SBF2: variants seen among roughly 807,000 people sequenced by gnomAD.
The protein encoded by SBF2 is SET binding factor 2.
Under a neutral mutation model 225.2 loss-of-function variants are expected in SBF2, and 112 were observed. The ratio of observed to expected loss-of-function variants is 0.50; its 90% CI spans 0.43 to 0.58. The LOEUF (loss-of-function observed/expected upper bound fraction) is 0.58. Ranked by LOEUF, SBF2 falls within the 20% of genes least tolerant of loss-of-function variation. The pLI, the probability that SBF2 is intolerant of heterozygous loss-of-function variation, is 0.00. For synonymous variants in SBF2, 763 were observed against 773.3 expected, an observed-to-expected ratio of 0.99 and a Z score of 0.22; for missense variants, 1,996 against 2,206.2, an observed-to-expected ratio of 0.90 and a Z score of 1.91.
At chr11:9,797,557 G>A (rs528471722) in intron 32 of SBF2, among the ~76,000 whole-genome samples, 4 of 152,272 alleles carry the variant, frequency 2.6e-5, no homozygotes, top group South Asian at 2.1e-4. Flanking sequence ...GCTAGGTAGC[G>A]TGCCATACTC....
intron 13 of SBF2, among the ~76,000 whole-genome samples, chr11:9,979,989 T>G (rs10160515): frequency 0.38 from 57,285 of 150,848 alleles, 11,594 homozygotes; most frequent in Middle Eastern, 0.51. Context: ...CATGTAATTT[T>G]TTTTTTTTTC....
At chr11:10,108,065 A>C (rs1952633802) in intron 2 of SBF2, among the ~76,000 whole-genome samples, 1 of 152,232 alleles carries the variant, frequency 6.6e-6, no homozygotes, top group South Asian at 2.1e-4. Flanking sequence ...ATTAAAAGTT[A>C]TGAAAGTATA....
intron 2 of SBF2, among the ~76,000 whole-genome samples, chr11:10,162,259 G>C (rs781253549): frequency 6.7e-6 from 1 of 148,930 alleles, no homozygotes; most frequent in Non-Finnish European, 1.5e-5. Flanking sequence ...TGAGCATTCT[G>C]TTACAGGCAT....
chr11:10,033,094 AGGTT>A (rs747932300), intron 3 of SBF2, among the ~76,000 whole-genome samples: 2 of 152,208 alleles, frequency 1.3e-5, no homozygotes, highest in Non-Finnish European at 2.9e-5. Flanking sequence ...AACAAAAATT[AGGTT>A]GGTTGGTTTC....
intron 3 of SBF2, among the ~76,000 whole-genome samples, chr11:10,033,852 A>T (rs1383166558): frequency 6.6e-6 from 1 of 152,152 alleles, no homozygotes; most frequent in Non-Finnish European, 1.5e-5. Flanking sequence ...ATAAAATGAC[A>T]CTAGTTTTAT....
At chr11:10,264,410 G>C (rs1961733376) in intron 1 of SBF2, among the ~76,000 whole-genome samples, 1 of 151,890 alleles carries the variant, frequency 6.6e-6, no homozygotes, top group South Asian at 2.1e-4. Context: ...AAAGAAAATG[G>C]GAGCAGAAGG....
intron 2 of SBF2, among the ~76,000 whole-genome samples, chr11:10,080,907 A>G (rs186442986): frequency 2.6e-5 from 4 of 152,180 alleles, no homozygotes; most frequent in Non-Finnish European, 4.4e-5. Flanking sequence ...CCAAGAAAAT[A>G]TAACAATCCT....
chr11:10,001,052 T>C (rs749374630), intron 7 of SBF2, 30 bp from the exon 8 acceptor site: 1 of 1,160,318 alleles, frequency 8.6e-7, no homozygotes, highest in Non-Finnish European at 1.3e-6. Flanking sequence ...GCGTCAAATA[T>C]ATTTTTCTTT....
At chr11:9,781,420 C>T in intron 39 of SBF2, 87 bp downstream of exon 39, 1 of 1,570,172 alleles carries the variant, frequency 6.4e-7, no homozygotes, top group Non-Finnish European at 8.7e-7. Context: ...TAGTCACCAC[C>T]AATTACTCTG....
chr11:10,046,706 C>A (rs190798695), intron 2 of SBF2, among the ~76,000 whole-genome samples: 7 of 151,370 alleles, frequency 4.6e-5, no homozygotes, highest in Admixed American at 1.3e-4. Context: ...CAAGAATGAT[C>A]AGGGGAATAA....
intron 6 of SBF2, among the ~76,000 whole-genome samples, chr11:10,024,770 A>G (rs1427188721): frequency 6.6e-6 from 1 of 152,106 alleles, no homozygotes; most frequent in Non-Finnish European, 1.5e-5. Context: ...AAATTGCTCT[A>G]TTTACACATT....
intron 17 of SBF2, among the ~76,000 whole-genome samples, chr11:9,862,717 T>C (rs1857860453): frequency 6.6e-6 from 1 of 152,168 alleles, no homozygotes; most frequent in African/African-American, 2.4e-5. Flanking sequence ...TATCTTCTGA[T>C]TGTGATAATT....
At chr11:9,919,121 C>A (rs1010767663) in intron 16 of SBF2, among the ~76,000 whole-genome samples, 3 of 152,022 alleles carry the variant, frequency 2.0e-5, no homozygotes, top group African/African-American at 7.3e-5. Context: ...TTACCAGGAT[C>A]CCAGAATTAG....
chr11:9,782,593 G>A (rs878986472), intron 38 of SBF2, among the ~76,000 whole-genome samples: 5 of 152,092 alleles, frequency 3.3e-5, no homozygotes, highest in Non-Finnish European at 7.4e-5. Context: ...TTTCCAGGCC[G>A]GGCACGGTTG....
chr11:10,051,255 G>A (rs1196044442), intron 2 of SBF2, among the ~76,000 whole-genome samples: 3 of 152,022 alleles, frequency 2.0e-5, no homozygotes, highest in African/African-American at 7.2e-5. Context: ...TAAAAAGCCT[G>A]TAAGAAAATT....
In SBF2 at chr11:10,079,926, G is replaced by C. The variant is rs1951291101; in HGVS notation, c.142-36945C>G. Among the ~76,000 whole-genome samples, 3 of 151,998 alleles carry C rather than the reference G, an allele frequency of 2.0e-5. No individual in the cohort carries two copies. In the South Asian group the frequency reaches 6.2e-4, roughly 32 times the overall value. On this transcript the variant is annotated intron_variant, in intron 2 of 39. Coordinates refer to ENST00000256190, the MANE Select transcript of SBF2 (RefSeq NM_030962.4). Reference sequence around the variant, plus strand: ...AGAAACCTTACAAGCCAGAGAGATTGAGATTCTATTTTCAAAGTGCTTAAA... The same window carrying C: ...AGAAACCTTACAAGCCAGAGAGATTCAGATTCTATTTTCAAAGTGCTTAAA...
chr11:10,299,752 T>C (rs1217060111), intron 1 of SBF2, among the ~76,000 whole-genome samples: 1 of 152,142 alleles, frequency 6.6e-6, no homozygotes, highest in Non-Finnish European at 1.5e-5. Flanking sequence ...GGGACTAGAC[T>C]CTCTGCAGTC....
chr11:9,850,635 A>T (rs1458651440), intron 21 of SBF2, among the ~76,000 whole-genome samples: 1 of 152,250 alleles, frequency 6.6e-6, no homozygotes, highest in Non-Finnish European at 1.5e-5. Flanking sequence ...AAAAAACTTA[A>T]GCCAGACTTC....
At position 10,294,100 on chromosome 11, in the gene SBF2, C is replaced by A; in HGVS notation, c.-31G>T. On this transcript the variant is annotated 5_prime_UTR_variant, in exon 1 of 40. Transcript: ENST00000256190. The stretch of plus-strand genomic sequence containing the variant: ...CCGCCGCCGCGCTCGGGAAGCGGGT[C>A]CCCGTCGCCGCCCTCGCCGCCGCCG... The A allele has an allele frequency of 1.5e-6, 2 of 1,332,252 alleles. No individual in the cohort carries two copies. Among genetic ancestry groups the A allele is most frequent in the Admixed American group, 4.0e-5 (1 of 24,960 alleles). The allele number at this position is 1,332,252 out of a possible 1,614,324, so 82.5% of individuals were successfully genotyped here. A position where few individuals can be genotyped will look rare whatever the true frequency, so the allele number is the denominator to read the frequency against.
Sources: allele counts gnomAD v4.1 joint callset (sites outside exome capture counted in the v4.1 genomes callset), GRCh38; gene constraint gnomAD v4.1.1; transcripts MANE v1.5; gene names NCBI Gene and HGNC (gene_info 2026-07-23, HGNC 2026-07-21).